The following ELOVL5 variants were observed in gnomAD, a reference collection of about 807,000 sequenced individuals.
ELOVL5 encodes the protein ELOVL fatty acid elongase 5, also known as very long chain fatty acid elongase 5.
ELOVL5 carries 8 observed loss-of-function variants against 38.6 expected under a neutral mutation model. The ratio of observed to expected loss-of-function variants is 0.21; its 90% confidence interval spans 0.12 to 0.37. The LOEUF (loss-of-function observed/expected upper bound fraction) is 0.37, where lower values mean the gene tolerates loss of function less well. Among genes scored for constraint, ELOVL5 ranks in the 10% least tolerant of loss-of-function variants. The pLI, the probability that ELOVL5 is intolerant of heterozygous loss-of-function variation, is 1.00. For synonymous variants in ELOVL5, 127 were observed against 133.7 expected, an observed-to-expected ratio of 0.95 and a Z score of 0.34; for missense variants, 280 against 367.8, an observed-to-expected ratio of 0.76 and a Z score of 1.95.
chr6:53,274,978 G>A lies in ELOVL5; in HGVS notation c.496+112C>T, dbSNP rs908315463. 7.6e-6 allele frequency: 8 copies of A among 1,049,918 alleles called. No individual in the cohort carries two copies. In the Admixed American group the frequency reaches 8.2e-5, roughly 11 times the overall value. 65.0% of individuals were successfully genotyped at this position (1,049,918 alleles called of 1,614,324 possible). A position where few individuals can be genotyped will look rare whatever the true frequency, so the allele number is the denominator to read the frequency against. ...TCATTAAAAGCAACTTGAACACAAA[G>A]CTGAAAGCCTGACCTAGACATTTAC... is the stretch of plus-strand genomic sequence containing the variant. On this transcript the variant is annotated intron_variant, in intron 5 of 7. Coordinates refer to ENST00000304434, the MANE Select transcript of ELOVL5 (RefSeq NM_021814.5).
chr6:53,317,444 C>A (rs903725706), intron 1 of ELOVL5, among the ~76,000 whole-genome samples: 3 of 152,164 alleles, frequency 2.0e-5, no homozygotes, highest in Admixed American at 1.3e-4. Flanking sequence ...CACATATACA[C>A]CATGGAATAC....
chr6:53,274,598 C>T (rs1050775365), intron 5 of ELOVL5, among the ~76,000 whole-genome samples: 2 of 152,186 alleles, frequency 1.3e-5, no homozygotes, highest in Admixed American at 1.3e-4. Flanking sequence ...AAATTTATAT[C>T]AAGTTTTGGT....
intron 1 of ELOVL5, among the ~76,000 whole-genome samples, chr6:53,305,480 C>CA (rs1404849068): frequency 6.7e-6 from 1 of 150,338 alleles, no homozygotes; most frequent in East Asian, 2.0e-4. Context: ...CCTCACTTCT[C>CA]AGACGGGGCA....
intron 1 of ELOVL5, among the ~76,000 whole-genome samples, chr6:53,334,025 TCTC>T (rs200917932): frequency 0.011 from 1,623 of 152,198 alleles, 31 homozygotes; most frequent in African/African-American, 0.037. Flanking sequence ...TCTGAAATTG[TCTC>T]CTATTTCCCA....
chr6:53,347,690 A>G (rs140327196), intron 1 of ELOVL5, among the ~76,000 whole-genome samples: 2,587 of 152,108 alleles, frequency 0.017, 30 homozygotes, highest in Middle Eastern at 0.041. Context: ...TAGCTAATAA[A>G]CCATGCACTG....
intron 1 of ELOVL5, among the ~76,000 whole-genome samples, chr6:53,306,653 C>A (rs1767592061): frequency 6.6e-6 from 1 of 152,088 alleles, no homozygotes; most frequent in Admixed American, 6.5e-5. Context: ...TCAGCAGAGT[C>A]AAGACAAGGA....
intron 3 of ELOVL5, among the ~76,000 whole-genome samples, chr6:53,281,060 G>T (rs1300282804): frequency 6.6e-6 from 1 of 152,114 alleles, no homozygotes; most frequent in Non-Finnish European, 1.5e-5. Flanking sequence ...AAAGAAAAAG[G>T]AGGAAAACAT....
intron 1 of ELOVL5, among the ~76,000 whole-genome samples, chr6:53,331,863 C>T (rs1365518326): frequency 1.3e-5 from 2 of 152,160 alleles, no homozygotes; most frequent in Non-Finnish European, 1.5e-5. Context: ...TATTTTAGCT[C>T]ACAGTTCTGC....
In ELOVL5 at chr6:53,270,964, C is replaced by T. The variant is rs113130798; in HGVS notation, c.622-237G>A. Reference sequence around the variant, plus strand: ...CTCCAAGCTATTTAAACTACCTTCTCCAAATTTCAAGGATACACTATAGAG... The same window carrying T: ...CTCCAAGCTATTTAAACTACCTTCTTCAAATTTCAAGGATACACTATAGAG... On this transcript the variant is annotated intron_variant, in intron 6 of 7. Transcript: ENST00000304434. Among the ~76,000 whole-genome samples, 491 of 152,328 alleles carry T rather than the reference C, an allele frequency of 3.2e-3. 4 individuals are homozygous for T. The highest frequency in any genetic ancestry group is 0.011 in the African/African-American group (447 of 41,564).
chr6:53,327,436 A>C (rs371566826), intron 1 of ELOVL5, among the ~76,000 whole-genome samples: 6 of 152,330 alleles, frequency 3.9e-5, no homozygotes, highest in Admixed American at 3.3e-4. Context: ...CAGATACAAG[A>C]GGTCACATAT....
intron 1 of ELOVL5, among the ~76,000 whole-genome samples, chr6:53,312,021 G>A (rs567844729): frequency 6.6e-6 from 1 of 152,306 alleles, no homozygotes; most frequent in South Asian, 2.1e-4. Flanking sequence ...ATTGACTTAT[G>A]ATTGTCATCA....
intron 1 of ELOVL5, among the ~76,000 whole-genome samples, chr6:53,307,417 T>G (rs1767624945): frequency 6.6e-6 from 1 of 152,226 alleles, no homozygotes; most frequent in South Asian, 2.1e-4. Context: ...CCTCATGTGA[T>G]TAAATGAGTT....
chr6:53,326,587 G>A (rs976080658), intron 1 of ELOVL5, among the ~76,000 whole-genome samples: 2 of 152,136 alleles, frequency 1.3e-5, no homozygotes, highest in Non-Finnish European at 2.9e-5. Flanking sequence ...GTGCACACCA[G>A]AGAAATCTTC....
chr6:53,297,882 C>A (rs1303523175), intron 1 of ELOVL5, among the ~76,000 whole-genome samples: 2 of 152,070 alleles, frequency 1.3e-5, no homozygotes, highest in Non-Finnish European at 2.9e-5. Context: ...ACAAGAAATT[C>A]TAGAAAATCC....
At chr6:53,282,158 T>C (rs980180111) in intron 3 of ELOVL5, among the ~76,000 whole-genome samples, 2 of 152,230 alleles carry the variant, frequency 1.3e-5, no homozygotes, top group Non-Finnish European at 2.9e-5. Flanking sequence ...TTTGCTATGA[T>C]CTTAGGCAAA....
chr6:53,343,663 C>T (rs972310846), intron 1 of ELOVL5, among the ~76,000 whole-genome samples: 4 of 152,168 alleles, frequency 2.6e-5, no homozygotes, highest in Admixed American at 2.6e-4. Flanking sequence ...GAGACCAATG[C>T]TCAGAGTTGA....
intron 3 of ELOVL5, 77 bp from the exon 4 acceptor site, chr6:53,276,333 A>C (rs1190006248): frequency 8.4e-6 from 8 of 953,006 alleles, no homozygotes; most frequent in Non-Finnish European, 1.4e-5. Context: ...TTAGTTGCAG[A>C]ATCTGTGATA....
intron 1 of ELOVL5, among the ~76,000 whole-genome samples, chr6:53,328,500 G>A (rs1168747905): frequency 6.6e-6 from 1 of 152,130 alleles, no homozygotes. Flanking sequence ...ATACACAAAA[G>A]GCCAGAGGAA....
At chr6:53,286,279 T>C (rs941927791) in intron 3 of ELOVL5, among the ~76,000 whole-genome samples, 2 of 152,150 alleles carry the variant, frequency 1.3e-5, no homozygotes, top group Non-Finnish European at 2.9e-5. Context: ...TAAACCCACA[T>C]AGCTGGGCAC....
Sources: gnomAD v4.1 joint callset for allele counts (sites outside exome capture counted in the v4.1 genomes callset) on GRCh38, gnomAD v4.1.1 for gene constraint, MANE v1.5 for transcripts, NCBI Gene and HGNC (gene_info 2026-07-23, HGNC 2026-07-21) for gene names.